Variants in GRIP1 observed in about 807,000 individuals in gnomAD.
GRIP1 encodes the protein glutamate receptor interacting protein 1.
GRIP1 carries 45 observed loss-of-function variants against 129.9 expected under a neutral mutation model. That is an observed-to-expected ratio of 0.35 (90% CI 0.27 to 0.44). The LOEUF is 0.44. Ranked by LOEUF, GRIP1 falls within the 20% of genes least tolerant of loss-of-function variation. The pLI, the probability that GRIP1 is intolerant of heterozygous loss-of-function variation, is 1.00. For synonymous variants in GRIP1, 530 were observed against 520.8 expected (o/e 1.02, Z -0.24); for missense variants, 1,196 against 1,396.8 (o/e 0.86, Z 2.29).
intron 1 of GRIP1, among the ~76,000 whole-genome samples, chr12:66,784,492 CTGAG>C (rs1470622743): frequency 6.6e-6 from 1 of 152,138 alleles, no homozygotes; most frequent in African/African-American, 2.4e-5. Context: ...TTGGCAGGGG[CTGAG>C]TGGCATTGAA....
chr12:66,405,974 C>T (rs1179493710), intron 16 of GRIP1, among the ~76,000 whole-genome samples: 4 of 151,970 alleles, frequency 2.6e-5, no homozygotes, highest in Non-Finnish European at 5.9e-5. Context: ...CATATGAATA[C>T]CAATAAAAAC....
At chr12:66,799,721 T>G (rs1296339803) in intron 1 of GRIP1, among the ~76,000 whole-genome samples, 1 of 152,182 alleles carries the variant, frequency 6.6e-6, no homozygotes, top group Non-Finnish European at 1.5e-5. Flanking sequence ...GTGGCACACT[T>G]ATCAAGAAAG....
chr12:66,387,012 A>T (rs1462139938), intron 19 of GRIP1, among the ~76,000 whole-genome samples: 2 of 152,206 alleles, frequency 1.3e-5, no homozygotes, highest in African/African-American at 4.8e-5. Context: ...ATCTCAGACC[A>T]TAATACATAA....
chr12:66,739,194 A>ATAAGTAAT (rs2036708754), intron 1 of GRIP1, among the ~76,000 whole-genome samples: 1 of 152,126 alleles, frequency 6.6e-6, no homozygotes, highest in African/African-American at 2.4e-5. Flanking sequence ...TATGATTAAC[A>ATAAGTAAT]CCTACTGAGT....
chr12:66,377,632 C>T (rs908876980), intron 20 of GRIP1, among the ~76,000 whole-genome samples: 1 of 135,536 alleles, frequency 7.4e-6, no homozygotes, highest in Non-Finnish European at 1.5e-5. Context: ...AGCCACCGCA[C>T]CCGGCCTTTT....
intron 1 of GRIP1, among the ~76,000 whole-genome samples, chr12:66,876,171 G>A (rs2137171801): frequency 6.6e-6 from 1 of 151,862 alleles, no homozygotes; most frequent in Non-Finnish European, 1.5e-5. Context: ...TACAAAATTT[G>A]GCAGCTTGAA....
At chr12:66,949,760 C>CTTTT (rs781123585) in intron 1 of GRIP1, among the ~76,000 whole-genome samples, 132 of 85,478 alleles carry the variant, frequency 1.5e-3, no homozygotes, top group Non-Finnish European at 2.2e-3. Context: ...CATGCTCCTC[C>CTTTT]TTTTTTTTTT....
At chr12:66,885,614 G>A (rs2137209750) in intron 1 of GRIP1, among the ~76,000 whole-genome samples, 1 of 152,256 alleles carries the variant, frequency 6.6e-6, no homozygotes, top group South Asian at 2.1e-4. Flanking sequence ...AGCAGATGGG[G>A]TGAGGGCAGG....
At chr12:66,529,975 A>G (rs2061389703) in intron 4 of GRIP1, 61 bp from the exon 5 acceptor site, 5 of 1,023,594 alleles carry the variant, frequency 4.9e-6, no homozygotes, top group Non-Finnish European at 7.8e-6. Flanking sequence ...TTTCTAAATC[A>G]TTCAATGTGG....
chr12:66,407,681 C>T (rs2057244847), intron 15 of GRIP1, among the ~76,000 whole-genome samples: 2 of 152,184 alleles, frequency 1.3e-5, no homozygotes, highest in African/African-American at 4.8e-5. Flanking sequence ...TCACCCATTC[C>T]GGTGGTCAGA....
intron 7 of GRIP1, among the ~76,000 whole-genome samples, chr12:66,488,564 C>T (rs904541411): frequency 6.6e-6 from 1 of 152,062 alleles, no homozygotes; most frequent in Non-Finnish European, 1.5e-5. Flanking sequence ...AACTAAAGAA[C>T]TAGAGAACCA....
chr12:66,720,422 T>C (rs976716409), intron 1 of GRIP1, among the ~76,000 whole-genome samples: 2 of 152,078 alleles, frequency 1.3e-5, no homozygotes, highest in Non-Finnish European at 2.9e-5. Flanking sequence ...GTTGTGGCAA[T>C]TTCTTAAAAT....
In GRIP1 at chr12:66,672,918, T is replaced by G. The variant is rs559620514; in HGVS notation, c.55+5932A>C. ...TTTAGTGGGGGAAATTCAGTTTTTT[T>G]GTTTGTTTGTTTTTGCCACACAAGT... On this transcript the variant is annotated intron_variant, in intron 1 of 24. Transcript: ENST00000359742. 3.0e-3 allele frequency among the ~76,000 whole-genome samples: 463 copies of G among 152,048 alleles called. 2 individuals carry two copies. The highest frequency in any genetic ancestry group is 4.9e-3 in the Non-Finnish European group (335 of 67,822).
intron 1 of GRIP1, among the ~76,000 whole-genome samples, chr12:66,723,287 TC>T (rs36107742): frequency 1.5e-4 from 2 of 13,382 alleles, no homozygotes; most frequent in African/African-American, 4.7e-4. Flanking sequence ...TTCCTTCCTT[TC>T]TTTCTTTCTT....
At chr12:66,950,672 T>C (rs2041742618) in intron 1 of GRIP1, among the ~76,000 whole-genome samples, 1 of 152,144 alleles carries the variant, frequency 6.6e-6, no homozygotes, top group Non-Finnish European at 1.5e-5. Flanking sequence ...TGTGTGTGTG[T>C]GCGTGTGTCT....
Position 66,392,762 on chromosome 12 carries a change from C to T in GRIP1, c.2184G>A (p.Leu728=), listed in dbSNP as rs775258726. 1.2e-6 allele frequency: 2 copies of T among 1,614,076 alleles called. No homozygotes were observed. Among genetic ancestry groups the T allele is most frequent in the South Asian group, 2.2e-5 (2 of 91,084 alleles). Residue 728 remains leucine, a synonymous_variant, in exon 18 of 25, where the codon TTG becomes TTA. Transcript: ENST00000359742. The part of the protein sequence containing the change: ...DRILAINSSS[L]KGKPLSEAIH... Reference sequence around the variant, plus strand: ...TGGCTTCACTCAGAGGCTTCCCTTTCAAGCTGCTGCTATTGATGGCTAGGA... The same window carrying T: ...TGGCTTCACTCAGAGGCTTCCCTTTTAAGCTGCTGCTATTGATGGCTAGGA...
chr12:66,371,857 C>A lies in GRIP1; in HGVS notation c.2849G>T (p.Arg950Leu). ...EAPTPRSQLG[R>L]QASFQERSSS... is the part of the protein sequence containing the mutation. ...GCTGCGCTCCTGGAAGCTGGCCTGT[C>A]GCCCCAGCTGACTGCGAGGTGTTGG... The change falls in exon 23 of 25, where the codon CGA becomes CTA. Residue 950 changes from arginine (R) to leucine (L), a missense_variant. Coordinates refer to ENST00000359742, the MANE Select transcript of GRIP1 (RefSeq NM_001366722.1). 6.2e-7 allele frequency: 1 copy of A among 1,613,792 alleles called. No individual in the cohort carries two copies. Among genetic ancestry groups the A allele is most frequent in the South Asian group, 1.1e-5 (1 of 91,068 alleles).
intron 1 of GRIP1, among the ~76,000 whole-genome samples, chr12:66,872,256 G>A (rs2137157971): frequency 6.6e-6 from 1 of 152,094 alleles, no homozygotes; most frequent in East Asian, 1.9e-4. Flanking sequence ...TGCTGGCATT[G>A]GTGGCAGCAG....
chr12:66,573,983 A>G (rs1011136020), intron 2 of GRIP1, among the ~76,000 whole-genome samples: 2 of 152,216 alleles, frequency 1.3e-5, no homozygotes, highest in African/African-American at 4.8e-5. Flanking sequence ...TTTCCATATG[A>G]GCTGAAATAT....
Sources: gnomAD v4.1 joint callset for allele counts (sites outside exome capture counted in the v4.1 genomes callset) on GRCh38, gnomAD v4.1.1 for gene constraint, MANE v1.5 for transcripts, NCBI Gene and HGNC (gene_info 2026-07-23, HGNC 2026-07-21) for gene names.